Variants in DLG2 observed in about 807,000 individuals in gnomAD.
DLG2 encodes the protein discs large MAGUK scaffold protein 2.
In DLG2, 45 loss-of-function variants were observed where a neutral mutation model predicts 132.5. The ratio of observed to expected loss-of-function variants is 0.34; its 90% CI spans 0.27 to 0.44. The LOEUF is 0.44. DLG2 is among the 20% of genes least tolerant of loss of function. The pLI is 1.00. For synonymous variants in DLG2, 424 were observed against 419.6 expected, an observed-to-expected ratio of 1.01 and a Z score of -0.13; for missense variants, 1,045 against 1,196.9, an observed-to-expected ratio of 0.87 and a Z score of 1.87.
intron 8 of DLG2, among the ~76,000 whole-genome samples, chr11:84,168,857 A>C (rs958023617): frequency 1.3e-5 from 2 of 151,864 alleles, no homozygotes; most frequent in Non-Finnish European, 2.9e-5. Flanking sequence ...ACACAAACAC[A>C]CACACTCATT....
chr11:85,198,272 C>G (rs565184251), intron 4 of DLG2, among the ~76,000 whole-genome samples: 206 of 152,216 alleles, frequency 1.4e-3, no homozygotes, highest in African/African-American at 4.1e-3. Context: ...GACCTCTGGC[C>G]CTCCATTTTT....
At chr11:84,127,891 G>T (rs1255267791) in intron 9 of DLG2, among the ~76,000 whole-genome samples, 1 of 152,112 alleles carries the variant, frequency 6.6e-6, no homozygotes, top group Non-Finnish European at 1.5e-5. Context: ...TTTCAAATAA[G>T]ATCATGTTTA....
intron 24 of DLG2, among the ~76,000 whole-genome samples, chr11:83,471,393 G>A (rs1325919562): frequency 6.6e-6 from 1 of 152,082 alleles, no homozygotes; most frequent in Non-Finnish European, 1.5e-5. Flanking sequence ...CTTTTAAGGG[G>A]CTACAATCAG....
chr11:84,523,487 T>C (rs1160095827), intron 7 of DLG2, among the ~76,000 whole-genome samples: 2 of 152,234 alleles, frequency 1.3e-5, no homozygotes, highest in Non-Finnish European at 1.5e-5. Flanking sequence ...AGTCTCAGAA[T>C]TAATTTTTGC....
chr11:85,532,629 G>A (rs2075284662), intron 3 of DLG2, among the ~76,000 whole-genome samples: 1 of 152,164 alleles, frequency 6.6e-6, no homozygotes, highest in South Asian at 2.1e-4. Context: ...AGTAATATTT[G>A]GATGGGCAGT....
At chr11:85,078,242 A>C (rs1380758834) in intron 6 of DLG2, among the ~76,000 whole-genome samples, 2 of 150,430 alleles carry the variant, frequency 1.3e-5, no homozygotes, top group Non-Finnish European at 3.0e-5. Context: ...AAAATAAAGC[A>C]AGCTGAAAAT....
At chr11:84,215,840 G>A (rs2096828996) in intron 8 of DLG2, among the ~76,000 whole-genome samples, 1 of 152,096 alleles carries the variant, frequency 6.6e-6, no homozygotes, top group Admixed American at 6.6e-5. Flanking sequence ...ATGATGTATT[G>A]GACAATGTCT....
chr11:84,779,326 T>C (rs1476695783), intron 6 of DLG2, among the ~76,000 whole-genome samples: 1 of 152,168 alleles, frequency 6.6e-6, no homozygotes, highest in Non-Finnish European at 1.5e-5. Context: ...TTTGTTGCTA[T>C]TGTAAATAAT....
At chr11:85,349,655 T>C (rs1438688593) in intron 3 of DLG2, among the ~76,000 whole-genome samples, 1 of 152,140 alleles carries the variant, frequency 6.6e-6, no homozygotes, top group Non-Finnish European at 1.5e-5. Flanking sequence ...AGTGATAACA[T>C]GCAGTGTTTG....
chr11:84,189,041 A>G (rs2096345803), intron 8 of DLG2, among the ~76,000 whole-genome samples: 1 of 152,182 alleles, frequency 6.6e-6, no homozygotes, highest in East Asian at 1.9e-4. Flanking sequence ...GTTTTGGTCT[A>G]CCAGGTTCTG....
At chr11:84,707,435 A>T (rs1318928449) in intron 6 of DLG2, among the ~76,000 whole-genome samples, 1 of 151,860 alleles carries the variant, frequency 6.6e-6, no homozygotes, top group Non-Finnish European at 1.5e-5. Context: ...ATGGAGGTGT[A>T]TGTGAAACTG....
chr11:85,467,553 A>G (rs1411006215), intron 3 of DLG2, among the ~76,000 whole-genome samples: 1 of 152,168 alleles, frequency 6.6e-6, no homozygotes, highest in African/African-American at 2.4e-5. Context: ...CCTTTTCTGC[A>G]TTTATTGAGA....
At chr11:85,124,987 T>A (rs1466824664) in intron 5 of DLG2, among the ~76,000 whole-genome samples, 1 of 152,086 alleles carries the variant, frequency 6.6e-6, no homozygotes, top group Admixed American at 6.6e-5. Flanking sequence ...TCCGCCACCA[T>A]GCCAGGCTAA....
intron 3 of DLG2, among the ~76,000 whole-genome samples, chr11:85,318,469 G>C (rs2080838032): frequency 6.6e-6 from 1 of 151,810 alleles, no homozygotes; most frequent in East Asian, 1.9e-4. Context: ...TCTACGTTTT[G>C]AGGAATAAAA....
At chr11:83,712,826 C>A (rs901784441) in intron 18 of DLG2, among the ~76,000 whole-genome samples, 1 of 151,804 alleles carries the variant, frequency 6.6e-6, no homozygotes, top group Non-Finnish European at 1.5e-5. Context: ...GACAGGGGCA[C>A]GGAGAGCATC....
intron 11 of DLG2, among the ~76,000 whole-genome samples, chr11:84,011,743 C>A (rs1015691535): frequency 2.6e-5 from 4 of 151,956 alleles, no homozygotes; most frequent in African/African-American, 9.7e-5. Flanking sequence ...ATGAATGTGG[C>A]CAAATATAGC....
chr11:85,361,194 C>T (rs1436993025), intron 3 of DLG2, among the ~76,000 whole-genome samples: 1 of 152,138 alleles, frequency 6.6e-6, no homozygotes, highest in African/African-American at 2.4e-5. Flanking sequence ...CTCACTCTGT[C>T]ACCCAGGCTG....
chr11:85,435,554 C>T (rs899772528), intron 3 of DLG2, among the ~76,000 whole-genome samples: 4 of 152,058 alleles, frequency 2.6e-5, no homozygotes, highest in African/African-American at 9.7e-5. Context: ...AATGAACTCC[C>T]ATTCACAGTT....
At chr11:85,165,525 T>C (rs1336012397) in intron 4 of DLG2, among the ~76,000 whole-genome samples, 1 of 152,194 alleles carries the variant, frequency 6.6e-6, no homozygotes, top group Non-Finnish European at 1.5e-5. Context: ...TTTAACTCTA[T>C]AAGGAAAGTA....
Sources: allele counts gnomAD v4.1 joint callset (sites outside exome capture counted in the v4.1 genomes callset), GRCh38; gene constraint gnomAD v4.1.1; transcripts MANE v1.5; gene names NCBI Gene and HGNC (gene_info 2026-07-23, HGNC 2026-07-21).